Variants in PRR11 observed in about 807,000 individuals in gnomAD.
PRR11 encodes the protein proline rich 11.
In PRR11, 30 loss-of-function variants were observed where a neutral mutation model predicts 45.6. The observed-to-expected ratio is 0.66, with a 90% CI of 0.49 to 0.89. The LOEUF (loss-of-function observed/expected upper bound fraction) is 0.89. Among genes scored for constraint, PRR11 ranks in the 40% least tolerant of loss-of-function variants. The probability of loss-of-function intolerance (pLI) is 0.00; values close to 1 mark genes in which losing one functional copy is unlikely to be tolerated. For missense variants in PRR11, 373 were observed against 424.8 expected, an observed-to-expected ratio of 0.88 and a Z score of 1.07; for synonymous variants, 128 against 153.5, an observed-to-expected ratio of 0.83 and a Z score of 1.23.
At chr17:59,201,099 A>C (rs1599710153) in intron 9 of PRR11, among the ~76,000 whole-genome samples, 1 of 148,470 alleles carries the variant, frequency 6.7e-6, no homozygotes, top group African/African-American at 2.5e-5. Context: ...CCCTCACCCC[A>C]CCCCACCCTT....
intron 2 of PRR11, among the ~76,000 whole-genome samples, chr17:59,171,582 G>A (rs2147838541): frequency 6.6e-6 from 1 of 151,966 alleles, no homozygotes; most frequent in South Asian, 2.1e-4. Context: ...AACTTTACAG[G>A]AACAGTATCC....
In PRR11 at chr17:59,173,749, C is replaced by G. The variant is rs530136537; in HGVS notation, c.128+3869C>G. ...CCAATTCCAGACACAGAAGTACCCC[C>G]CTGGTTCTGGGAGGACGACTTGATC... On this transcript the variant is annotated intron_variant, in intron 2 of 9. Transcript: ENST00000262293. Among the ~76,000 whole-genome samples the G allele has an allele frequency of 3.9e-5, 6 of 152,290 alleles. No individual in the cohort carries two copies. In the East Asian group the frequency reaches 1.2e-3, roughly 29 times the overall value.
At chr17:59,189,059 G>A (rs2046828282) in intron 4 of PRR11, among the ~76,000 whole-genome samples, 7 of 151,050 alleles carry the variant, frequency 4.6e-5, no homozygotes, top group Admixed American at 4.0e-4. Context: ...ATAACTTTGG[G>A]AGGCCAAGGT....
chr17:59,200,660 T>C (rs1408788409), intron 9 of PRR11, among the ~76,000 whole-genome samples: 1 of 152,030 alleles, frequency 6.6e-6, no homozygotes, highest in East Asian at 1.9e-4. Context: ...GCCCGGCTAA[T>C]TTTTTGTATT....
chr17:59,179,093 G>A (rs1241573070), intron 2 of PRR11, among the ~76,000 whole-genome samples: 4 of 152,060 alleles, frequency 2.6e-5, no homozygotes, highest in Admixed American at 1.3e-4. Flanking sequence ...TCGGCCTCCC[G>A]AGTTCAAGCG....
At chr17:59,194,952 T>C in intron 6 of PRR11, 97 bp downstream of exon 6, 1 of 938,354 alleles carries the variant, frequency 1.1e-6, no homozygotes, top group Non-Finnish European at 1.6e-6. Flanking sequence ...GGTGGGAGGA[T>C]CACCTGAGCC....
intron 6 of PRR11, among the ~76,000 whole-genome samples, 175 bp downstream of exon 6, chr17:59,195,030 G>A (rs954949798): frequency 6.6e-6 from 1 of 152,176 alleles, no homozygotes; most frequent in African/African-American, 2.4e-5. Flanking sequence ...ATTGGGGTCG[G>A]GGGTGCTGGA....
chr17:59,169,341 A>G (rs957150055), intron 1 of PRR11, among the ~76,000 whole-genome samples: 1 of 151,532 alleles, frequency 6.6e-6, no homozygotes, highest in Non-Finnish European at 1.5e-5. Context: ...CAGGTGATTC[A>G]CCCGCCTCGG....
At position 59,170,825 on chromosome 17, in the gene PRR11, TAATC is replaced by T. The variant is rs1326005457; in HGVS notation, c.128+950_128+953del. On this transcript the variant is annotated intron_variant, in intron 2 of 9. Coordinates refer to ENST00000262293, the MANE Select transcript of PRR11 (RefSeq NM_018304.4). The stretch of plus-strand genomic sequence containing the variant: ...AGGAAAAATGTCACATGACAGCAAA[TAATC>T]AATCCAGACCAATATGATCACACTC... Among the ~76,000 whole-genome samples, 3 of 152,120 alleles carry T rather than the reference TAATC, an allele frequency of 2.0e-5. 1 individual carries two copies. The highest frequency in any genetic ancestry group is 4.8e-5 in the African/African-American group (2 of 41,434).
At chr17:59,173,358 C>G (rs571937447) in intron 2 of PRR11, among the ~76,000 whole-genome samples, 25 of 152,128 alleles carry the variant, frequency 1.6e-4, no homozygotes, top group African/African-American at 5.8e-4. Context: ...GCCACTTTCA[C>G]GCTGTGGAAG....
intron 1 of PRR11, among the ~76,000 whole-genome samples, chr17:59,161,267 C>T (rs1319620739): frequency 6.6e-5 from 10 of 151,822 alleles, no homozygotes; most frequent in Admixed American, 2.6e-4. Flanking sequence ...ATTAGCTGGG[C>T]GTGGTAGTGT....
chr17:59,189,276 G>A (rs1024495831), intron 4 of PRR11, among the ~76,000 whole-genome samples: 22 of 151,738 alleles, frequency 1.4e-4, no homozygotes, highest in Non-Finnish European at 2.2e-4. Flanking sequence ...CTCAAATCTG[G>A]GTGACAAAGC....
chr17:59,195,216 A>G, intron 6 of PRR11, 115 bp from the exon 7 acceptor site: 1 of 756,666 alleles, frequency 1.3e-6, no homozygotes, highest in South Asian at 1.6e-5. Flanking sequence ...ATTGGGTAGC[A>G]TACTGGATAT....
intron 2 of PRR11, chr17:59,174,999 A>G (rs2046735866): frequency 2.2e-5 from 16 of 727,298 alleles, no homozygotes; most frequent in South Asian, 1.9e-4. Flanking sequence ...CCTCCAGCGC[A>G]TGGAACGGAA....
At chr17:59,157,264 T>C (rs2046630087) in intron 1 of PRR11, among the ~76,000 whole-genome samples, 1 of 152,122 alleles carries the variant, frequency 6.6e-6, no homozygotes. Context: ...TGAATGAAAT[T>C]TGTCACACCC....
chr17:59,156,707 C>CTGGA (rs1470396677), intron 1 of PRR11, among the ~76,000 whole-genome samples: 2 of 150,410 alleles, frequency 1.3e-5, no homozygotes, highest in Non-Finnish European at 3.0e-5. Flanking sequence ...GTCGCCTAGG[C>CTGGA]TGGAGTACAG....
rs1291485079 is a variant in PRR11, at chr17:59,197,780, A to G, written c.1005A>G (p.Arg335=). Residue 335 remains arginine, a synonymous_variant, in exon 9 of 10, where the codon AGA becomes AGG. Coordinates refer to ENST00000262293, the MANE Select transcript of PRR11 (RefSeq NM_018304.4). ...CAGTGATGACGCAGGCCTTAAGGAG[A>G]AAGTTTCAGGTAACCCTTTAGGAAA... ...LTPVMTQALR[R]KFQLAHPRSP... 2 of 1,613,016 alleles carry G rather than the reference A, an allele frequency of 1.2e-6. No homozygotes were observed. Among genetic ancestry groups the G allele is most frequent in the Non-Finnish European group, 1.7e-6 (2 of 1,179,446 alleles).
chr17:59,170,211 C>G (rs1191578220), intron 2 of PRR11, among the ~76,000 whole-genome samples: 2 of 151,678 alleles, frequency 1.3e-5, no homozygotes, highest in Non-Finnish European at 2.9e-5. Flanking sequence ...GAGATCACAC[C>G]ACTGCACTCA....
chr17:59,173,910 C>T (rs535470436), intron 2 of PRR11, among the ~76,000 whole-genome samples: 40 of 152,248 alleles, frequency 2.6e-4, no homozygotes, highest in Admixed American at 9.8e-4. Context: ...CCCCTGGATC[C>T]GGTGTTCTGG....
Sources: allele counts gnomAD v4.1 joint callset (sites outside exome capture counted in the v4.1 genomes callset), GRCh38; gene constraint gnomAD v4.1.1; transcripts MANE v1.5; gene names NCBI Gene and HGNC (gene_info 2026-07-23, HGNC 2026-07-21).